The following DPY19L4 variants were observed in gnomAD, a reference collection of about 807,000 sequenced individuals.
DPY19L4 encodes the protein dpy-19 like 4.
A neutral mutation model predicts 102.8 loss-of-function variants in DPY19L4; 97 were observed. That is an observed-to-expected ratio of 0.94 (90% confidence interval 0.80 to 1.12). DPY19L4 has a LOEUF of 1.12. DPY19L4 is among the 50% of genes most tolerant of loss of function. DPY19L4 has a pLI of 0.00. For synonymous variants in DPY19L4, 252 were observed against 283.1 expected (o/e 0.89, Z 1.10); for missense variants, 815 against 850.4 (o/e 0.96, Z 0.52).
At chr8:94,734,806 A>C in intron 3 of DPY19L4, 52 bp downstream of exon 3, 1 of 1,609,374 alleles carries the variant, frequency 6.2e-7, no homozygotes, top group African/African-American at 1.3e-5. Context: ...AGGGAACCAG[A>C]ATGTATGTAT....
chr8:94,746,065 T>C (rs1811660719), intron 6 of DPY19L4, among the ~76,000 whole-genome samples: 1 of 133,302 alleles, frequency 7.5e-6, no homozygotes, highest in Admixed American at 7.6e-5. Context: ...TTTTTTTTTT[T>C]TTTTTTTTTT....
intron 7 of DPY19L4, among the ~76,000 whole-genome samples, chr8:94,758,808 C>A (rs1812275560): frequency 6.6e-6 from 1 of 151,496 alleles, no homozygotes; most frequent in Non-Finnish European, 1.5e-5. Context: ...AATCTCAGCT[C>A]ACTGCAACCT....
At chr8:94,751,284 A>AT (rs1193550793) in intron 6 of DPY19L4, among the ~76,000 whole-genome samples, 2 of 149,048 alleles carry the variant, frequency 1.3e-5, no homozygotes, top group South Asian at 2.1e-4. Context: ...GCGCCTGGCT[A>AT]TTTTTTTGTA....
At chr8:94,722,871 C>G (rs371126897) in intron 1 of DPY19L4, among the ~76,000 whole-genome samples, 1 of 152,162 alleles carries the variant, frequency 6.6e-6, no homozygotes, top group African/African-American at 2.4e-5. Flanking sequence ...AGTAAATACT[C>G]TGGGAATCTG....
chr8:94,788,095 A>ATATT, intron 18 of DPY19L4, 43 bp downstream of exon 18: 1 of 971,368 alleles, frequency 1.0e-6, no homozygotes, highest in Non-Finnish European at 1.3e-6. Context: ...ATATATATAT[A>ATATT]TTTTTTTTTT....
intron 3 of DPY19L4, among the ~76,000 whole-genome samples, chr8:94,735,695 A>G (rs981938227): frequency 2.0e-5 from 3 of 152,156 alleles, no homozygotes; most frequent in African/African-American, 7.2e-5. Context: ...TTCATTAAGA[A>G]CTTTGTTTTA....
intron 2 of DPY19L4, among the ~76,000 whole-genome samples, chr8:94,728,162 A>T (rs35400084): frequency 0.12 from 18,968 of 152,166 alleles, 1,277 homozygotes; most frequent in African/African-American, 0.15. Flanking sequence ...GGGTTTCACC[A>T]TGTTGGCCAG....
intron 11 of DPY19L4, among the ~76,000 whole-genome samples, chr8:94,767,419 G>A (rs760715897): frequency 1.3e-5 from 2 of 148,538 alleles, no homozygotes; most frequent in African/African-American, 2.5e-5. Context: ...TCAGCCCCCC[G>A]AGTAGCTGGG....
At chr8:94,779,152 C>T (rs1813317108) in intron 14 of DPY19L4, among the ~76,000 whole-genome samples, 1 of 151,172 alleles carries the variant, frequency 6.6e-6, no homozygotes, top group Non-Finnish European at 1.5e-5. Flanking sequence ...TGAATGTTCA[C>T]TATGTCAGGT....
rs1813185046 is a variant in DPY19L4 at position 94,776,428 on chromosome 8, CA to C, written c.1455-1235del. On this transcript the variant is annotated intron_variant, in intron 13 of 18. Coordinates refer to ENST00000414645, the MANE Select transcript of DPY19L4 (RefSeq NM_181787.3). ...AAGTGATCTGCCCATCTCAGCCTCC[CA>C]AAGTCCTGAGATTACAGGTGTGAGC... Among the ~76,000 whole-genome samples, 22 of 151,606 alleles carry C rather than the reference CA, an allele frequency of 1.5e-4. No individual in the cohort carries two copies. In the South Asian group the frequency reaches 4.4e-3, roughly 30 times the overall value.
At chr8:94,770,860 A>C (rs1280293147) in intron 13 of DPY19L4, among the ~76,000 whole-genome samples, 1 of 151,568 alleles carries the variant, frequency 6.6e-6, no homozygotes, top group Non-Finnish European at 1.5e-5. Context: ...ACTGCACTCT[A>C]GCCTGAGTGA....
chr8:94,769,855 G>A (rs758697580), intron 12 of DPY19L4, among the ~76,000 whole-genome samples: 1 of 150,912 alleles, frequency 6.6e-6, no homozygotes, highest in Non-Finnish European at 1.5e-5. Context: ...ATTGATCTTG[G>A]AAGAAGAACC....
intron 18 of DPY19L4, 125 bp downstream of exon 18, chr8:94,788,177 T>C (rs1330927460): frequency 2.3e-6 from 1 of 434,560 alleles, no homozygotes; most frequent in Non-Finnish European, 3.4e-6. Context: ...AATTGAGTTA[T>C]GTAATAATGG....
chr8:94,759,225 T>C (rs938914840), intron 7 of DPY19L4, among the ~76,000 whole-genome samples: 2 of 152,148 alleles, frequency 1.3e-5, no homozygotes, highest in Non-Finnish European at 2.9e-5. Flanking sequence ...TTTTATTCCC[T>C]TATGTGTCCT....
At chr8:94,735,114 T>C (rs1031906369) in intron 3 of DPY19L4, among the ~76,000 whole-genome samples, 1 of 152,192 alleles carries the variant, frequency 6.6e-6, no homozygotes, top group Non-Finnish European at 1.5e-5. Context: ...ATGATTAGAA[T>C]GTTTTTGAGG....
chr8:94,787,058 T>C (rs2130946231), intron 17 of DPY19L4, among the ~76,000 whole-genome samples: 1 of 152,286 alleles, frequency 6.6e-6, no homozygotes, highest in East Asian at 1.9e-4. Flanking sequence ...AATGCTGATC[T>C]ACATTGCAGA....
intron 6 of DPY19L4, among the ~76,000 whole-genome samples, chr8:94,740,043 G>A (rs867263750): frequency 1.3e-5 from 2 of 152,156 alleles, no homozygotes; most frequent in Non-Finnish European, 2.9e-5. Flanking sequence ...TAGAAAGAGA[G>A]ATCAGAGGAT....
chr8:94,738,458 A>G lies in DPY19L4; in HGVS notation c.342A>G (p.Arg114=). Residue 114 remains arginine (R), a splice_region_variant and synonymous_variant, in exon 4 of 19, where the codon AGA becomes AGG. Transcript: ENST00000414645. ...TGTTAAAGGCACCTTCATTTGAAAGAGGTATGATAATCACAGTTATATTTT... is the reference window on the plus strand; with the variant it reads ...TGTTAAAGGCACCTTCATTTGAAAGGGGTATGATAATCACAGTTATATTTT... ...KDMLKAPSFE[R]GVYELTHNNK... 6.7e-7 allele frequency: 1 copy of G among 1,488,940 alleles called. No individual in the cohort carries two copies. The highest frequency in any genetic ancestry group is 9.1e-7 in the Non-Finnish European group (1 of 1,104,296). The allele number at this position is 1,488,940 out of a possible 1,614,324, so 92.2% of individuals were successfully genotyped here.
At chr8:94,756,936 G>A (rs547985462) in intron 7 of DPY19L4, among the ~76,000 whole-genome samples, 67 of 152,208 alleles carry the variant, frequency 4.4e-4, no homozygotes, top group African/African-American at 1.5e-3. Context: ...GAGGTGGGAG[G>A]ATCCCTTGAA....
Sources: gnomAD v4.1 joint callset for allele counts (sites outside exome capture counted in the v4.1 genomes callset) on GRCh38, gnomAD v4.1.1 for gene constraint, MANE v1.5 for transcripts, NCBI Gene and HGNC (gene_info 2026-07-23, HGNC 2026-07-21) for gene names.